The following EVC variants were observed in gnomAD, a reference collection of about 807,000 sequenced individuals.
EVC encodes the protein evC complex member EVC.
In EVC, 116 loss-of-function variants were observed where a neutral mutation model predicts 118.9. The ratio of observed to expected loss-of-function variants is 0.98; its 90% CI spans 0.84 to 1.14. The LOEUF is 1.14. Among genes scored for constraint, EVC ranks in the 50% most tolerant of loss-of-function variants. EVC has a pLI of 0.00. For synonymous variants in EVC, 619 were observed against 534.7 expected, an observed-to-expected ratio of 1.16 and a Z score of -2.18; for missense variants, 1,401 against 1,246.4, an observed-to-expected ratio of 1.12 and a Z score of -1.87.
rs185359478 is a variant in EVC at position 5,751,526 on chromosome 4, C to T, written c.1099-1310C>T. On this transcript the variant is annotated intron_variant, in intron 8 of 20. Coordinates refer to ENST00000264956, the MANE Select transcript of EVC (RefSeq NM_153717.3). ...GGCTGCTGGAATGAGCCTCGCCGTC[C>T]TTGTCCATCGCTGGGGGATGTTCTT... 7.2e-5 allele frequency among the ~76,000 whole-genome samples: 11 copies of T among 152,366 alleles called. No individual in the cohort carries two copies. The East Asian group carries it at 2.1e-3, about 29-fold the overall frequency.
chr4:5,814,827 T>C (rs1054406610), downstream of EVC, among the ~76,000 whole-genome samples: 1 of 151,140 alleles, frequency 6.6e-6, no homozygotes, highest in Non-Finnish European at 1.5e-5. Flanking sequence ...AGGACTCACA[T>C]CTCCAGAGAT....
chr4:5,828,861 C>T, the EVC span, among the ~76,000 whole-genome samples: 5 of 152,078 alleles, frequency 3.3e-5, no homozygotes, highest in African/African-American at 9.7e-5. Context: ...CTCACCGTTG[C>T]GCATGTAGGC....
Position 5,798,648 on chromosome 4 carries a change from G to A in EVC, c.2160G>A (p.Gln720=), listed in dbSNP as rs1401780721. The A allele has an allele frequency of 1.3e-6, 2 of 1,595,468 alleles. No individual in the cohort carries two copies. Among genetic ancestry groups the A allele is most frequent in the East Asian group, 4.5e-5 (2 of 43,968 alleles). The change falls in exon 15 of 21, where the codon CAG becomes CAA. Residue 720 remains glutamine (Q), a synonymous_variant. Transcript: ENST00000264956. The surrounding 1 kb of genome is among the most constrained non-coding windows in gnomAD (Gnocchi z 4.1). ...LEEEAQQTRL[Q]LQQRLLAEAQ... is the part of the protein sequence containing the mutation. ...AGGAAGCACAGCAGACACGGCTGCAGCTCCAGCAGCGGCTCCTGGCCGAGG... is the reference window on the plus strand; with the variant it reads ...AGGAAGCACAGCAGACACGGCTGCAACTCCAGCAGCGGCTCCTGGCCGAGG...
Position 5,719,524 on chromosome 4 carries a change from C to A in EVC, c.300+151C>A. On this transcript the variant is annotated intron_variant, in intron 2 of 20. Transcript: ENST00000264956. This position sits in a 1 kb window ranked among gnomAD's most constrained non-coding sequence, Gnocchi z 4.7. ...GGCATAATTTACATACAGTCAAATGCGCAGACTTTAGGTTTTACAGTTTGA... is the reference window on the plus strand; with the variant it reads ...GGCATAATTTACATACAGTCAAATGAGCAGACTTTAGGTTTTACAGTTTGA... 8.7e-7 allele frequency: 1 copy of A among 1,151,738 alleles called. No individual in the cohort carries two copies. The highest frequency in any genetic ancestry group is 1.3e-6 in the Non-Finnish European group (1 of 782,158). 71.3% of individuals were successfully genotyped at this position (1,151,738 alleles called of 1,614,324 possible). A position where few individuals can be genotyped will look rare whatever the true frequency, so the allele number is the denominator to read the frequency against.
At chr4:5,780,831 G>A (rs1348093213) in intron 11 of EVC, among the ~76,000 whole-genome samples, 1 of 152,228 alleles carries the variant, frequency 6.6e-6, no homozygotes, top group East Asian at 1.9e-4. Flanking sequence ...TTACTGCAGT[G>A]AAAGGATTCA....
In EVC at chr4:5,712,587, GCTA is replaced by G. The variant is rs1723223421; in HGVS notation, c.174+1035_174+1037del. ...ATCAGAAACAAGATGGCGTGGTCTT[GCTA>G]CCCCCATTTCTGGCCCGTGGGAAGA... On this transcript the variant is annotated intron_variant, in intron 1 of 20. Coordinates refer to ENST00000264956, the MANE Select transcript of EVC (RefSeq NM_153717.3). Among the ~76,000 whole-genome samples the G allele has an allele frequency of 2.6e-5, 4 of 152,322 alleles. No individual in the cohort carries two copies. The South Asian group carries it at 8.3e-4, about 32-fold the overall frequency.
chr4:5,799,580 G>A (rs990641800), intron 15 of EVC, among the ~76,000 whole-genome samples: 1 of 152,150 alleles, frequency 6.6e-6, no homozygotes, highest in Admixed American at 6.5e-5. Context: ...GAGAGGTAGG[G>A]CACCCCTTAC....
chr4:5,719,456 A>G lies in EVC; in HGVS notation c.300+83A>G, dbSNP rs1724578850. 49 of 1,601,566 alleles carry G rather than the reference A, an allele frequency of 3.1e-5. 1 individual carries two copies. In the South Asian group the frequency reaches 5.4e-4, roughly 18 times the overall value. Reference sequence around the variant, plus strand: ...CCTGGAAGCCGGGTGTCATGTAGACAAGCCTCTGACAGATATAGTTTCCCA... The same window carrying G: ...CCTGGAAGCCGGGTGTCATGTAGACGAGCCTCTGACAGATATAGTTTCCCA... On this transcript the variant is annotated intron_variant, in intron 2 of 20. Coordinates refer to ENST00000264956, the MANE Select transcript of EVC (RefSeq NM_153717.3). The surrounding 1 kb of genome is among the most constrained non-coding windows in gnomAD (Gnocchi z 4.7).
chr4:5,718,792 T>G (rs1724428681), intron 1 of EVC, among the ~76,000 whole-genome samples: 1 of 152,238 alleles, frequency 6.6e-6, no homozygotes. Context: ...GAAACTACTC[T>G]ATAACTTAAG....
At chr4:5,748,598 A>G (rs1437749885) in intron 8 of EVC, among the ~76,000 whole-genome samples, 2 of 129,920 alleles carry the variant, frequency 1.5e-5, no homozygotes, top group Non-Finnish European at 3.3e-5. Context: ...CCATCCATCC[A>G]TCCACCCATC....
the EVC span, among the ~76,000 whole-genome samples, chr4:5,828,843 A>AC: frequency 1.2e-4 from 18 of 152,194 alleles, no homozygotes; most frequent in African/African-American, 4.1e-4. Context: ...AGTGTATATA[A>AC]CCAACAACTC....
Position 5,733,373 on chromosome 4 carries a change from T to C in EVC, c.640T>C (p.Tyr214His), listed in dbSNP as rs777946797. 1.2e-6 allele frequency: 2 copies of C among 1,614,064 alleles called. No homozygotes were observed. Among genetic ancestry groups the C allele is most frequent in the South Asian group, 2.2e-5 (2 of 91,080 alleles). The change falls in exon 5 of 21, where the codon TAC (tyrosine) becomes CAC (histidine). Residue 214 changes from tyrosine (Y) to histidine (H), a missense_variant. By Grantham distance (83) the Tyr-to-His change is moderately conservative. Transcript: ENST00000264956. ...CESVDVDLCI[Y>H]SLHLKDLLHL... ...CAGTGTAGACGTTGACCTGTGTATC[T>C]ACAGCCTTCACTTAAAAGACCTGCT...
At chr4:5,783,956 A>G (rs1163231090) in intron 12 of EVC, among the ~76,000 whole-genome samples, 192 bp downstream of exon 12, 2 of 152,156 alleles carry the variant, frequency 1.3e-5, no homozygotes, top group East Asian at 1.9e-4. Flanking sequence ...CTCCCTCAAC[A>G]GGAAGTCGGA....
intron 12 of EVC, among the ~76,000 whole-genome samples, chr4:5,784,971 A>C (rs570811112): frequency 1.3e-5 from 2 of 152,164 alleles, no homozygotes; most frequent in South Asian, 4.2e-4. Context: ...TCCAAATTCA[A>C]CATCCACCAA....
chr4:5,752,769 G>A, intron 8 of EVC, 67 bp from the exon 9 acceptor site: 2 of 1,539,940 alleles, frequency 1.3e-6, no homozygotes, highest in Middle Eastern at 3.4e-4. Context: ...CTTCTCAGCT[G>A]TTAATTAACA....
chr4:5,730,699 G>T (rs111951479), intron 3 of EVC, among the ~76,000 whole-genome samples: 1 of 151,928 alleles, frequency 6.6e-6, no homozygotes, highest in Non-Finnish European at 1.5e-5. Context: ...CAGGATCCAC[G>T]CCTGGAGGAA....
rs1051344377 is a variant in EVC, at chr4:5,719,898, G to A, written c.300+525G>A. Among the ~76,000 whole-genome samples, 7 of 152,304 alleles carry A rather than the reference G, an allele frequency of 4.6e-5. No individual in the cohort carries two copies. Among genetic ancestry groups the A allele is most frequent in the East Asian group, 3.9e-4 (2 of 5,192 alleles). Reference sequence around the variant, plus strand: ...TTTGTGTGTATTTCATTGGCAGACCGGGCTGTTTTCAGAATTTGACTGTAA... The same window carrying A: ...TTTGTGTGTATTTCATTGGCAGACCAGGCTGTTTTCAGAATTTGACTGTAA... On this transcript the variant is annotated intron_variant, in intron 2 of 20. Coordinates refer to ENST00000264956, the MANE Select transcript of EVC (RefSeq NM_153717.3). This position sits in a 1 kb window ranked among gnomAD's most constrained non-coding sequence, Gnocchi z 4.7.
chr4:5,797,457 G>T (rs997721171), intron 14 of EVC: 2 of 602,854 alleles, frequency 3.3e-6, no homozygotes, highest in South Asian at 3.8e-5. Flanking sequence ...GGAGATCAGG[G>T]TGTGGGCAGG....
intron 11 of EVC, among the ~76,000 whole-genome samples, chr4:5,759,753 A>G (rs1731717633): frequency 6.6e-6 from 1 of 152,158 alleles, no homozygotes. Context: ...TAAACCCAGA[A>G]CATCTGAGAC....
Sources: gnomAD v4.1 joint callset for allele counts (sites outside exome capture counted in the v4.1 genomes callset) on GRCh38, gnomAD v4.1.1 for gene constraint, Gnocchi (gnomAD v3.1) non-coding constraint, MANE v1.5 for transcripts, NCBI Gene and HGNC (gene_info 2026-07-23, HGNC 2026-07-21) for gene names.